ARHGAP22: variants seen among roughly 807,000 people sequenced by gnomAD.
ARHGAP22 encodes rho GTPase-activating protein 22.
In ARHGAP22, 48 loss-of-function variants were observed where a neutral mutation model predicts 59.1. That is an observed-to-expected ratio of 0.81 (90% CI 0.64 to 1.03). The LOEUF is 1.03. Ranked by LOEUF, ARHGAP22 falls within the 50% of genes least tolerant of loss-of-function variation. The pLI is 0.00. For missense variants in ARHGAP22, 1,015 were observed against 958.7 expected, an observed-to-expected ratio of 1.06 and a Z score of -0.78; for synonymous variants, 445 against 416.4, an observed-to-expected ratio of 1.07 and a Z score of -0.84.
intron 1 of ARHGAP22, among the ~76,000 whole-genome samples, chr10:48,611,889 G>C (rs11596517): frequency 0.64 from 24,481 of 38,140 alleles, 6,451 homozygotes; most frequent in East Asian, 0.7. Context: ...CTCCCCTCCC[G>C]TCCCCTTCAC....
chr10:48,443,433 C>G (rs1234259813), downstream of ARHGAP22, among the ~76,000 whole-genome samples: 1 of 152,168 alleles, frequency 6.6e-6, no homozygotes, highest in East Asian at 1.9e-4. Flanking sequence ...CAGACTGCAA[C>G]ACATTGTGAG....
chr10:48,582,831 G>T, intron 2 of ARHGAP22, 122 bp downstream of exon 2: 1 of 1,176,540 alleles, frequency 8.5e-7, no homozygotes, highest in East Asian at 2.5e-5. Context: ...TGGAAATCCT[G>T]GCAAAACATC....
In ARHGAP22 at chr10:48,604,974, T is replaced by C; in HGVS notation, c.-178A>G. The C allele has an allele frequency of 6.7e-7, 1 of 1,485,906 alleles. No homozygotes were observed. The highest frequency in any genetic ancestry group is 2.5e-5 in the East Asian group (1 of 40,502). The allele number at this position is 1,485,906 out of a possible 1,614,324, so 92.0% of individuals were successfully genotyped here. A position where few individuals can be genotyped will look rare whatever the true frequency, so the allele number is the denominator to read the frequency against. ...CCTGGCTCCGGACGGACGGCTCGCC[T>C]TGGACTACATAAACCTCGATGCATT... On this transcript the variant is annotated 5_prime_UTR_variant, in exon 1 of 10. Coordinates refer to ENST00000249601, the MANE Select transcript of ARHGAP22 (RefSeq NM_021226.4).
intron 1 of ARHGAP22, among the ~76,000 whole-genome samples, chr10:48,638,294 G>T (rs761443987): frequency 1.3e-5 from 2 of 152,166 alleles, no homozygotes; most frequent in African/African-American, 2.4e-5. Context: ...CTGCTGATCA[G>T]TGGAATCACC....
At chr10:48,449,056 G>A (rs971510444) in intron 9 of ARHGAP22, among the ~76,000 whole-genome samples, 2 of 152,204 alleles carry the variant, frequency 1.3e-5, no homozygotes, top group African/African-American at 4.8e-5. Flanking sequence ...CTCAGAGCAG[G>A]CCAGAGGAGC....
At chr10:48,570,897 A>G (rs937448003) in intron 2 of ARHGAP22, among the ~76,000 whole-genome samples, 1 of 152,194 alleles carries the variant, frequency 6.6e-6, no homozygotes, top group Non-Finnish European at 1.5e-5. Context: ...GAGGACTGCC[A>G]GGGGTGCCCA....
rs1346675448 is a variant in ARHGAP22, at chr10:48,611,884, CTCCCG to C, written c.53-28737_53-28733del. ...CTCCCCTCCCCTCCCCTCCCCTCCCCTCCCGTCCCCTTCACTTTCCTTCTGCCTCC... is the reference window on the plus strand; with the variant it reads ...CTCCCCTCCCCTCCCCTCCCCTCCCCTCCCCTTCACTTTCCTTCTGCCTCC... On this transcript the variant is annotated intron_variant, in intron 1 of 9. Coordinates refer to the ARHGAP22 transcript ENST00000435790. 4.7e-3 allele frequency among the ~76,000 whole-genome samples: 157 copies of C among 33,556 alleles called. 16 individuals carry two copies. In the Middle Eastern group the frequency reaches 0.057, roughly 12 times the overall value. 22.0% of individuals were successfully genotyped at this position (33,556 alleles called of 152,430 possible). A position where few individuals can be genotyped will look rare whatever the true frequency, so the allele number is the denominator to read the frequency against.
chr10:48,453,991 C>G (rs569594964), intron 7 of ARHGAP22, 97 bp downstream of exon 7: 1 of 1,301,910 alleles, frequency 7.7e-7, no homozygotes, highest in South Asian at 1.2e-5. Context: ...GACCCGGGCC[C>G]CCCTCTGACA....
Position 48,618,941 on chromosome 10 carries a change from T to C in ARHGAP22, c.52+33293A>G, listed in dbSNP as rs182568817. The stretch of plus-strand genomic sequence containing the variant: ...TCTTTGCAAATGACATGATCTTATA[T>C]CTAGAAGACCCTAAAAGCCCCACCA... On this transcript the variant is annotated intron_variant, in intron 1 of 9. Coordinates refer to the ARHGAP22 transcript ENST00000435790. Among the ~76,000 whole-genome samples, 6 of 152,186 alleles carry C rather than the reference T, an allele frequency of 3.9e-5. No homozygotes were observed. In the East Asian group the frequency reaches 1.2e-3, roughly 29 times the overall value.
At chr10:48,575,331 G>A (rs2058642980) in intron 2 of ARHGAP22, 1 of 152,184 alleles carries the variant, frequency 6.6e-6, no homozygotes, top group Non-Finnish European at 1.5e-5. Context: ...GTTCATGAAA[G>A]CAACATTTTA....
intron 3 of ARHGAP22, among the ~76,000 whole-genome samples, chr10:48,507,896 A>G (rs11101350): frequency 0.51 from 27,844 of 54,370 alleles, 4,692 homozygotes; most frequent in East Asian, 0.69. Flanking sequence ...GCTCGGAAAT[A>G]CTGGGGGGTG....
intron 4 of ARHGAP22, among the ~76,000 whole-genome samples, chr10:48,460,096 C>G (rs561323634): frequency 6.6e-6 from 1 of 152,318 alleles, no homozygotes; most frequent in East Asian, 1.9e-4. Flanking sequence ...AGGCTGGGCC[C>G]TGGGCTGCCT....
At chr10:48,608,753 A>C (rs925410758), upstream of ARHGAP22, among the ~76,000 whole-genome samples, 4 of 152,236 alleles carry the variant, frequency 2.6e-5, no homozygotes. Context: ...AGTACCAATG[A>C]CATAACTGAT....
chr10:48,619,322 T>A (rs1166730730), intron 1 of ARHGAP22, among the ~76,000 whole-genome samples: 2 of 152,124 alleles, frequency 1.3e-5, no homozygotes, highest in Non-Finnish European at 2.9e-5. Flanking sequence ...ATGACATTCT[T>A]CATAGAAATG....
intron 3 of ARHGAP22, among the ~76,000 whole-genome samples, chr10:48,490,250 T>C (rs1190398563): frequency 6.6e-6 from 1 of 152,142 alleles, no homozygotes; most frequent in Non-Finnish European, 1.5e-5. Flanking sequence ...TGTTCCCTTT[T>C]ATTATCATAT....
chr10:48,538,054 G>A lies in ARHGAP22; in HGVS notation c.322+17409C>T, dbSNP rs76781703. 5.7e-3 allele frequency among the ~76,000 whole-genome samples: 864 copies of A among 152,316 alleles called. 7 individuals carry two copies. The highest frequency in any genetic ancestry group is 0.02 in the African/African-American group (828 of 41,578). On this transcript the variant is annotated intron_variant, in intron 3 of 9. Transcript: ENST00000249601. The stretch of plus-strand genomic sequence containing the variant: ...ATGCCATAACTAACTCCCACAAACT[G>A]GGTGGCTTAAAACAACAGAAACTTC...
intron 1 of ARHGAP22, among the ~76,000 whole-genome samples, chr10:48,614,313 C>A (rs2061001145): frequency 6.6e-6 from 1 of 152,092 alleles, no homozygotes; most frequent in African/African-American, 2.4e-5. Context: ...CCAGATTTGG[C>A]AAAGGAGAGT....
At chr10:48,574,539 T>C (rs1260272983) in intron 2 of ARHGAP22, among the ~76,000 whole-genome samples, 1 of 152,204 alleles carries the variant, frequency 6.6e-6, no homozygotes, top group Non-Finnish European at 1.5e-5. Context: ...CAACTTGAGC[T>C]GGGTGGAGGT....
chr10:48,501,717 G>A (rs2051536621), intron 3 of ARHGAP22, among the ~76,000 whole-genome samples: 1 of 149,900 alleles, frequency 6.7e-6, no homozygotes, highest in South Asian at 2.1e-4. Flanking sequence ...ATTAAATAAT[G>A]TATTGATTAA....
Sources: allele counts gnomAD v4.1 joint callset (sites outside exome capture counted in the v4.1 genomes callset), GRCh38; gene constraint gnomAD v4.1.1; transcripts MANE v1.5; gene names NCBI Gene and HGNC (gene_info 2026-07-23, HGNC 2026-07-21).